The following PCGF6 variants were observed in gnomAD, a reference collection of about 807,000 sequenced individuals.
The protein encoded by PCGF6 is polycomb group ring finger 6.
Under a neutral mutation model 45.5 loss-of-function variants are expected in PCGF6, and 24 were observed. The ratio of observed to expected loss-of-function variants is 0.53; its 90% CI spans 0.38 to 0.74. The LOEUF is 0.74. Ranked by LOEUF, PCGF6 falls within the 30% of genes least tolerant of loss-of-function variation. The probability of loss-of-function intolerance (pLI) is 0.00; values close to 1 mark genes in which losing one functional copy is unlikely to be tolerated. For missense variants in PCGF6, 356 were observed against 443.2 expected, an observed-to-expected ratio of 0.80 and a Z score of 1.77; for synonymous variants, 152 against 162.1, an observed-to-expected ratio of 0.94 and a Z score of 0.47.
intron 1 of PCGF6, among the ~76,000 whole-genome samples, chr10:103,350,363 C>A (rs549456254): frequency 6.7e-6 from 1 of 149,240 alleles, no homozygotes; most frequent in South Asian, 2.1e-4. Flanking sequence ...CGCCTGAGGC[C>A]AGGAGTTGGA....
At chr10:103,306,923 G>A (rs1347734638) in intron 9 of PCGF6, among the ~76,000 whole-genome samples, 1 of 152,012 alleles carries the variant, frequency 6.6e-6, no homozygotes, top group Non-Finnish European at 1.5e-5. Flanking sequence ...GGGCAACATA[G>A]TGAGACCCCG....
intron 7 of PCGF6, among the ~76,000 whole-genome samples, chr10:103,332,807 C>T (rs1234512097): frequency 2.6e-5 from 4 of 152,086 alleles, no homozygotes; most frequent in Admixed American, 2.0e-4. Context: ...AGAGGTTCAA[C>T]GCTATCAAAA....
chr10:103,308,460 G>A (rs1346791943), intron 9 of PCGF6, among the ~76,000 whole-genome samples: 9 of 151,256 alleles, frequency 6.0e-5, no homozygotes, highest in East Asian at 2.0e-4. Flanking sequence ...GTGCAGTGGT[G>A]TGATCTCTGC....
In PCGF6 at chr10:103,338,063, C is replaced by CA. The variant is rs35839501; in HGVS notation, c.783-4112dup. On this transcript the variant is annotated intron_variant, in intron 6 of 9. Coordinates refer to ENST00000369847, the MANE Select transcript of PCGF6 (RefSeq NM_001011663.2). ...TGGGTGACAGAGCGAGACTCCGTCT[C>CA]AAAAAAAAAAAAAAAAAAAAATACA... Among the ~76,000 whole-genome samples, 81 of 26,810 alleles carry CA rather than the reference C, an allele frequency of 3.0e-3. 7 individuals are homozygous for CA. The highest frequency in any genetic ancestry group is 6.4e-3 in the African/African-American group (45 of 6,982). 17.6% of individuals were successfully genotyped at this position (26,810 alleles called of 152,430 possible). A position where few individuals can be genotyped will look rare whatever the true frequency, so the allele number is the denominator to read the frequency against.
intron 6 of PCGF6, among the ~76,000 whole-genome samples, chr10:103,339,990 C>A (rs1458928509): frequency 7.2e-6 from 1 of 138,576 alleles, no homozygotes; most frequent in Non-Finnish European, 1.5e-5. Context: ...GGTGAAACCC[C>A]GCCTCTACTA....
intron 6 of PCGF6, among the ~76,000 whole-genome samples, chr10:103,344,781 G>C (rs1253191234): frequency 1.3e-5 from 2 of 151,860 alleles, no homozygotes; most frequent in Non-Finnish European, 2.9e-5. Flanking sequence ...TGTTAGCCAG[G>C]CTGGTCTCGA....
rs528459501 is a variant in PCGF6, at chr10:103,303,764, C to T, written c.*141G>A. 28 of 691,074 alleles carry T rather than the reference C, an allele frequency of 4.1e-5. No individual in the cohort carries two copies. The highest frequency in any genetic ancestry group is 7.0e-5 in the Non-Finnish European group (28 of 400,606). The allele number at this position is 691,074 out of a possible 1,614,324, so 42.8% of individuals were successfully genotyped here. A position where few individuals can be genotyped will look rare whatever the true frequency, so the allele number is the denominator to read the frequency against. On this transcript the variant is annotated 3_prime_UTR_variant, in exon 10 of 10. Coordinates refer to ENST00000369847, the MANE Select transcript of PCGF6 (RefSeq NM_001011663.2). The stretch of plus-strand genomic sequence containing the variant: ...TCGTTCCAAGTTGTACTTATAAACG[C>T]TATAATTCTTGGTGCTAAAAATAGG...
intron 6 of PCGF6, among the ~76,000 whole-genome samples, chr10:103,338,470 G>A (rs531526731): frequency 4.0e-5 from 6 of 149,132 alleles, no homozygotes; most frequent in Admixed American, 1.3e-4. Context: ...GCATGAACCC[G>A]GGAGGCGGAG....
intron 7 of PCGF6, among the ~76,000 whole-genome samples, chr10:103,328,855 G>A (rs144517794): frequency 6.6e-6 from 1 of 151,630 alleles, no homozygotes; most frequent in Non-Finnish European, 1.5e-5. Flanking sequence ...GGATTCAAGC[G>A]ATTCTCTTGC....
intron 1 of PCGF6, among the ~76,000 whole-genome samples, chr10:103,349,239 G>A (rs2093310964): frequency 6.6e-6 from 1 of 151,416 alleles, no homozygotes; most frequent in Non-Finnish European, 1.5e-5. Context: ...GTAGAGATGG[G>A]GTTTCACCAT....
rs145874150 is a variant in PCGF6 at position 103,326,650 on chromosome 10, T to A, written c.811-18A>T. On this transcript the variant is annotated intron_variant, in intron 7 of 9. Coordinates refer to ENST00000369847, the MANE Select transcript of PCGF6 (RefSeq NM_001011663.2). ...TCCAATGGCTACAAAAACAGACAGA[T>A]AAAACTATTTTTAGGTTAAATATAC... 1 of 1,592,500 alleles carries A rather than the reference T, an allele frequency of 6.3e-7. No individual in the cohort carries two copies. Among genetic ancestry groups the A allele is most frequent in the African/African-American group, 1.3e-5 (1 of 74,230 alleles).
At chr10:103,332,734 A>G (rs1592068708) in intron 7 of PCGF6, among the ~76,000 whole-genome samples, 2 of 152,212 alleles carry the variant, frequency 1.3e-5, no homozygotes, top group South Asian at 4.1e-4. Context: ...TATCCCACCC[A>G]CTACATGGCT....
At chr10:103,315,553 G>T (rs1462964730) in intron 8 of PCGF6, among the ~76,000 whole-genome samples, 1 of 152,144 alleles carries the variant, frequency 6.6e-6, no homozygotes, top group African/African-American at 2.4e-5. Flanking sequence ...TAGAGACGGG[G>T]TTTCAGTGTG....
chr10:103,347,655 C>A (rs1310431926), intron 3 of PCGF6, among the ~76,000 whole-genome samples: 8 of 152,204 alleles, frequency 5.3e-5, no homozygotes, highest in South Asian at 2.1e-4. Context: ...TTCACAGATT[C>A]TTGAATGGGT....
At chr10:103,307,014 G>A (rs1379683830) in intron 9 of PCGF6, among the ~76,000 whole-genome samples, 5 of 152,204 alleles carry the variant, frequency 3.3e-5, no homozygotes, top group Non-Finnish European at 7.4e-5. Flanking sequence ...TGAGGTGGGA[G>A]GATCACTTGA....
At position 103,316,013 on chromosome 10, in the gene PCGF6, T is replaced by TAGAGAG. The variant is rs5787488; in HGVS notation, c.910-1747_910-1742dup. Among the ~76,000 whole-genome samples, 1,138 of 119,344 alleles carry TAGAGAG rather than the reference T, an allele frequency of 9.5e-3. 17 individuals carry two copies. The highest frequency in any genetic ancestry group is 0.034 in the African/African-American group (1,061 of 30,800). The allele number at this position is 119,344 out of a possible 152,430, so 78.3% of individuals were successfully genotyped here. A position where few individuals can be genotyped will look rare whatever the true frequency, so the allele number is the denominator to read the frequency against. ...GTGTGTGTATATATATATATATATATAGAGAGAGAGAGAGAGAGAGAGAGA... is the reference window on the plus strand; with the variant it reads ...GTGTGTGTATATATATATATATATATAGAGAGAGAGAGAGAGAGAGAGAGAGAGAGA... On this transcript the variant is annotated intron_variant, in intron 8 of 9. Coordinates refer to ENST00000369847, the MANE Select transcript of PCGF6 (RefSeq NM_001011663.2).
chr10:103,316,365 A>T (rs1336329608), intron 8 of PCGF6, among the ~76,000 whole-genome samples: 1 of 152,212 alleles, frequency 6.6e-6, no homozygotes, highest in Non-Finnish European at 1.5e-5. Flanking sequence ...CATGGTTGGG[A>T]AAGAACAGTA....
Position 103,302,894 on chromosome 10 carries a change from G to A in PCGF6, c.*1011C>T, listed in dbSNP as rs752639754. 1.8e-4 allele frequency: 27 copies of A among 152,096 alleles called. No individual in the cohort carries two copies. Among genetic ancestry groups the A allele is most frequent in the Non-Finnish European group, 4.4e-5 (3 of 68,028 alleles). 9.4% of individuals were successfully genotyped at this position (152,096 alleles called of 1,614,324 possible). On this transcript the variant is annotated 3_prime_UTR_variant, in exon 10 of 10. Transcript: ENST00000369847. Reference sequence around the variant, plus strand: ...CCAATCTTTTTCCAATTTTGTAGTAGTCTCTACACATTCAGAAATTCTGCT... The same window carrying A: ...CCAATCTTTTTCCAATTTTGTAGTAATCTCTACACATTCAGAAATTCTGCT...
At position 103,326,640 on chromosome 10, in the gene PCGF6, A is replaced by C. The variant is rs1554863515; in HGVS notation, c.811-8T>G. 4.4e-6 allele frequency: 7 copies of C among 1,604,618 alleles called. No individual in the cohort carries two copies. Among genetic ancestry groups the C allele is most frequent in the Non-Finnish European group, 6.0e-6 (7 of 1,175,346 alleles). ...AAACTTCTTTTCCAATGGCTACAAA[A>C]ACAGACAGATAAAACTATTTTTAGG... On this transcript the variant is annotated splice_polypyrimidine_tract_variant and splice_region_variant and intron_variant, in intron 7 of 9. Coordinates refer to ENST00000369847, the MANE Select transcript of PCGF6 (RefSeq NM_001011663.2).
Sources: allele counts gnomAD v4.1 joint callset (sites outside exome capture counted in the v4.1 genomes callset), GRCh38; gene constraint gnomAD v4.1.1; transcripts MANE v1.5; gene names NCBI Gene and HGNC (gene_info 2026-07-23, HGNC 2026-07-21).